The following PDZD2 variants were observed in gnomAD, a reference collection of about 807,000 sequenced individuals.
PDZD2 encodes PDZ domain-containing protein 2.
PDZD2 carries 90 observed loss-of-function variants against 220.7 expected under a neutral mutation model. That is an observed-to-expected ratio of 0.41 (90% CI 0.34 to 0.49). PDZD2 has a LOEUF of 0.49. PDZD2 is among the 20% of genes least tolerant of loss of function. The probability of loss-of-function intolerance (pLI) is 0.28; values close to 1 mark genes in which losing one functional copy is unlikely to be tolerated. For synonymous variants in PDZD2, 1,375 were observed against 1,450.5 expected (o/e 0.95, Z 1.18); for missense variants, 3,174 against 3,608.5 (o/e 0.88, Z 3.08).
intron 2 of PDZD2, among the ~76,000 whole-genome samples, chr5:31,949,097 CAAAAAA>C (rs34780210): frequency 2.4e-4 from 13 of 54,984 alleles, no homozygotes; most frequent in African/African-American, 3.2e-4. Context: ...GACTCTGTCT[CAAAAAA>C]AAAAAAAAAA....
chr5:31,922,760 GC>G (rs1007599449), intron 2 of PDZD2, among the ~76,000 whole-genome samples: 17 of 151,426 alleles, frequency 1.1e-4, no homozygotes, highest in Admixed American at 6.6e-5. Flanking sequence ...CCTCTGCCCC[GC>G]CCCCCCCTCC....
At chr5:31,715,741 C>T (rs564328085) in intron 1 of PDZD2, among the ~76,000 whole-genome samples, 3 of 152,354 alleles carry the variant, frequency 2.0e-5, no homozygotes, top group Admixed American at 6.5e-5. Context: ...TTTGTTGATA[C>T]CAGCCACTGT....
intron 2 of PDZD2, among the ~76,000 whole-genome samples, chr5:31,873,671 G>C (rs1405831854): frequency 6.6e-6 from 1 of 151,584 alleles, no homozygotes; most frequent in Admixed American, 6.6e-5. Context: ...CAAAGTGCTG[G>C]GATTACAGGC....
At chr5:31,679,972 T>A (rs1449522958) in intron 1 of PDZD2, among the ~76,000 whole-genome samples, 1 of 152,242 alleles carries the variant, frequency 6.6e-6, no homozygotes, top group East Asian at 1.9e-4. Context: ...TGTCAAATCT[T>A]CGAACACCAC....
intron 4 of PDZD2, among the ~76,000 whole-genome samples, chr5:31,997,475 T>G (rs1751727262): frequency 6.6e-6 from 1 of 152,224 alleles, no homozygotes; most frequent in Non-Finnish European, 1.5e-5. Context: ...ATTGAAGGAT[T>G]AAGACCTTAG....
At chr5:31,998,615 G>A (rs1054320573) in intron 4 of PDZD2, among the ~76,000 whole-genome samples, 6 of 152,204 alleles carry the variant, frequency 3.9e-5, no homozygotes, top group Non-Finnish European at 5.9e-5. Flanking sequence ...CCTAGGTGCT[G>A]ATGTGAACCT....
intron 2 of PDZD2, among the ~76,000 whole-genome samples, chr5:31,880,860 G>A (rs1181281331): frequency 8.0e-6 from 1 of 125,490 alleles, no homozygotes; most frequent in Non-Finnish European, 1.6e-5. Flanking sequence ...GGAGTGCAAT[G>A]GTGCAATCTC....
At chr5:32,079,953 G>T (rs1337572582) in intron 19 of PDZD2, among the ~76,000 whole-genome samples, 2 of 152,192 alleles carry the variant, frequency 1.3e-5, no homozygotes, top group African/African-American at 2.4e-5. Flanking sequence ...GGCTGTTACT[G>T]TGGGTTCTGG....
At chr5:32,041,042 C>G (rs192404620) in intron 7 of PDZD2, among the ~76,000 whole-genome samples, 1,923 of 140,154 alleles carry the variant, frequency 0.014, 53 homozygotes, top group African/African-American at 0.05. Context: ...CGCCTCTGCC[C>G]AGCAGCCGCC....
At chr5:31,886,236 G>A (rs1740461173) in intron 2 of PDZD2, among the ~76,000 whole-genome samples, 1 of 152,200 alleles carries the variant, frequency 6.6e-6, no homozygotes, top group Admixed American at 6.6e-5. Context: ...TGAAAAAACA[G>A]ATCAGTGCAT....
At chr5:31,799,850 T>G (rs1216027931) in intron 2 of PDZD2, 126 bp downstream of exon 2, 15 of 674,836 alleles carry the variant, frequency 2.2e-5, no homozygotes, top group East Asian at 5.2e-5. Flanking sequence ...AATGTCTCAT[T>G]TAAACCCCCT....
chr5:31,874,474 A>G (rs1055208522), intron 2 of PDZD2, among the ~76,000 whole-genome samples: 1 of 152,140 alleles, frequency 6.6e-6, no homozygotes, highest in Non-Finnish European at 1.5e-5. Flanking sequence ...TGAAAGAGAA[A>G]ATGCAGCCAG....
At chr5:31,800,515 A>G (rs1027317279) in intron 2 of PDZD2, among the ~76,000 whole-genome samples, 8 of 152,196 alleles carry the variant, frequency 5.3e-5, no homozygotes, top group African/African-American at 1.9e-4. Context: ...ACATGACCCA[A>G]GTCTTCTACC....
chr5:31,953,496 C>T (rs1281751069), intron 2 of PDZD2, among the ~76,000 whole-genome samples: 1 of 151,988 alleles, frequency 6.6e-6, no homozygotes, highest in South Asian at 2.1e-4. Flanking sequence ...TAAACTAAAC[C>T]GATGTGTGCT....
At chr5:31,653,918 G>A (rs1028890245) in intron 1 of PDZD2, among the ~76,000 whole-genome samples, 15 of 152,120 alleles carry the variant, frequency 9.9e-5, no homozygotes, top group Non-Finnish European at 1.3e-4. Context: ...CCGAGTAGCT[G>A]GGATTACAGG....
At chr5:32,091,272 CCACT>C (rs1743129056) in intron 20 of PDZD2, 97 bp downstream of exon 20, 1 of 786,636 alleles carries the variant, frequency 1.3e-6, no homozygotes. Flanking sequence ...TGCAGAGTTC[CCACT>C]TACTTTTTTT....
rs1015982948 is a variant in PDZD2 at position 32,110,831 on chromosome 5, A to G, written c.*2696A>G. ...AGTGCAATAATATGAAATAGCCTGT[A>G]CATTTTAAAAATGTTGTCACCAAGT... On this transcript the variant is annotated 3_prime_UTR_variant, in exon 25 of 25. Coordinates refer to ENST00000438447, the MANE Select transcript of PDZD2 (RefSeq NM_178140.4). 2.0e-5 allele frequency: 3 copies of G among 152,574 alleles called. No homozygotes were observed. The highest frequency in any genetic ancestry group is 2.1e-4 in the South Asian group (1 of 4,834). The allele number at this position is 152,574 out of a possible 1,614,324, so 9.5% of individuals were successfully genotyped here.
In PDZD2 at chr5:32,054,312, C is replaced by CTTTTTTTTTTTTTTTT. The variant is rs57135705; in HGVS notation, c.1900+440_1900+455dup. The stretch of plus-strand genomic sequence containing the variant: ...CATAGTCTGGTTCCTAAATGAACAT[C>CTTTTTTTTTTTTTTTT]TTTTTTTTTTTTTTTTTTTTTTTTT... On this transcript the variant is annotated intron_variant, in intron 10 of 24. Coordinates refer to ENST00000438447, the MANE Select transcript of PDZD2 (RefSeq NM_178140.4). Among the ~76,000 whole-genome samples the CTTTTTTTTTTTTTTTT allele has an allele frequency of 4.3e-5, 3 of 69,352 alleles. 1 individual carries two copies. The highest frequency in any genetic ancestry group is 5.4e-5 in the African/African-American group (1 of 18,492). 45.5% of individuals were successfully genotyped at this position (69,352 alleles called of 152,430 possible).
At position 32,028,675 on chromosome 5, in the gene PDZD2, GT is replaced by G. The variant is rs1554028497; in HGVS notation, c.1408-8548del. ...TTTGCTCCTTCTATTTTTTTTTTTT[GT>G]TTTTTTTGTTTTTTTTTTTTTTTGA... On this transcript the variant is annotated intron_variant, in intron 6 of 24. Coordinates refer to ENST00000438447, the MANE Select transcript of PDZD2 (RefSeq NM_178140.4). 1.1e-4 allele frequency among the ~76,000 whole-genome samples: 5 copies of G among 46,694 alleles called. No homozygotes were observed. In the East Asian group the frequency reaches 2.3e-3, roughly 22 times the overall value. 30.6% of individuals were successfully genotyped at this position (46,694 alleles called of 152,430 possible).
Sources: allele counts gnomAD v4.1 joint callset (sites outside exome capture counted in the v4.1 genomes callset), GRCh38; gene constraint gnomAD v4.1.1; transcripts MANE v1.5; gene names NCBI Gene and HGNC (gene_info 2026-07-23, HGNC 2026-07-21).